TIAM2: variants seen among roughly 807,000 people sequenced by gnomAD.
TIAM2 encodes the protein rho guanine nucleotide exchange factor TIAM2.
A neutral mutation model predicts 152.9 loss-of-function variants in TIAM2; 80 were observed. The ratio of observed to expected loss-of-function variants is 0.52; its 90% CI spans 0.44 to 0.63. TIAM2 has a LOEUF of 0.63. Ranked by LOEUF, TIAM2 falls within the 30% of genes least tolerant of loss-of-function variation. The pLI is 0.00. For synonymous variants in TIAM2, 804 were observed against 838.0 expected (o/e 0.96, Z 0.70); for missense variants, 1,965 against 2,120.1 (o/e 0.93, Z 1.44).
At chr6:155,125,195 C>G (rs780560797) in intron 2 of TIAM2, among the ~76,000 whole-genome samples, 32 of 151,958 alleles carry the variant, frequency 2.1e-4, no homozygotes, top group Non-Finnish European at 4.1e-4. Flanking sequence ...CACTTGAACC[C>G]GGGAGGCACA....
rs1562325804 is a variant in TIAM2, at chr6:155,129,651, G to A, written c.428G>A (p.Arg143Lys). ...GGACACCTTCTCAACTGCTACGGGA[G>A]GAATGAGAGCATTGCCTCCACCCCA... ...CNGHLLNCYG[R>K]NESIASTPPG... The change falls in exon 4 of 27, where the codon AGG (arginine) becomes AAG (lysine). Residue 143 changes from arginine to lysine, a missense_variant. Around this residue, in one of 3 missense-constraint regions of TIAM2, gnomAD observed 1,025 missense variants for 1,119.4 expected, o/e 0.92. Coordinates refer to ENST00000682666, the MANE Select transcript of TIAM2 (RefSeq NM_012454.4). The surrounding 1 kb of genome is among the most constrained non-coding windows in gnomAD (Gnocchi z 4.8). 6.2e-7 allele frequency: 1 copy of A among 1,614,130 alleles called. No homozygotes were observed.
intron 9 of TIAM2, 40 bp from the exon 10 acceptor site, chr6:155,176,776 A>G: frequency 1.9e-6 from 3 of 1,599,822 alleles, no homozygotes; most frequent in Middle Eastern, 1.7e-4. Context: ...TCATTTGTTA[A>G]TCAAATTTGT....
intron 16 of TIAM2, among the ~76,000 whole-genome samples, chr6:155,242,766 C>T (rs896837448): frequency 2.0e-5 from 3 of 152,160 alleles, no homozygotes; most frequent in Non-Finnish European, 2.9e-5. Flanking sequence ...GATGGAGTCT[C>T]GCTCTGTCAC....
At chr6:155,153,489 G>A (rs1435309123) in intron 7 of TIAM2, among the ~76,000 whole-genome samples, 2 of 152,002 alleles carry the variant, frequency 1.3e-5, no homozygotes, top group Non-Finnish European at 1.5e-5. Flanking sequence ...TCTCCTCACC[G>A]TATTGCACTC....
At chr6:155,146,747 G>A (rs1431095338) in intron 6 of TIAM2, among the ~76,000 whole-genome samples, 1 of 147,352 alleles carries the variant, frequency 6.8e-6, no homozygotes, top group Non-Finnish European at 1.5e-5. Flanking sequence ...GATTACAGGT[G>A]CCCGCCGCTA....
At chr6:155,053,484 T>TTA (rs1777367056) in intron 1 of TIAM2, among the ~76,000 whole-genome samples, 1 of 148,354 alleles carries the variant, frequency 6.7e-6, no homozygotes, top group African/African-American at 2.5e-5. Flanking sequence ...TTTTTTTTTT[T>TTA]AAATTTAGAC....
Position 155,248,183 on chromosome 6 carries a change from A to AGGC in TIAM2, c.3832+14_3832+16dup, listed in dbSNP as rs757045328. ...GAGGAGCACTACCACCTGACGGGTG[A>AGGC]GGCGGCGGCGGCACCTCCGGGCGAG... On this transcript the variant is annotated splice_donor_region_variant and intron_variant, in intron 20 of 26. Transcript: ENST00000682666. The AGGC allele has an allele frequency of 1.2e-4, 192 of 1,611,808 alleles. No individual in the cohort carries two copies. Among genetic ancestry groups the AGGC allele is most frequent in the Admixed American group, 2.3e-4 (14 of 59,938 alleles).
intron 1 of TIAM2, among the ~76,000 whole-genome samples, chr6:155,089,317 C>G (rs953325035): frequency 3.3e-5 from 5 of 152,138 alleles, no homozygotes; most frequent in Admixed American, 2.6e-4. Flanking sequence ...TCCAATTCTC[C>G]TGCCTCAGCC....
At chr6:155,005,963 T>C (rs1425541174) in intron 1 of TIAM2, among the ~76,000 whole-genome samples, 1 of 152,160 alleles carries the variant, frequency 6.6e-6, no homozygotes, top group Non-Finnish European at 1.5e-5. Context: ...TTCTTTACTT[T>C]CAAGGAATTT....
intron 1 of TIAM2, among the ~76,000 whole-genome samples, chr6:155,085,699 A>G (rs1778158402): frequency 6.6e-6 from 1 of 152,204 alleles, no homozygotes; most frequent in Admixed American, 6.5e-5. Flanking sequence ...AAAGAATGTA[A>G]GGTGTGTTCA....
intron 9 of TIAM2, among the ~76,000 whole-genome samples, chr6:155,168,086 G>T (rs557420891): frequency 1.3e-5 from 2 of 152,230 alleles, no homozygotes; most frequent in South Asian, 4.1e-4. Context: ...ATAACTGAAT[G>T]AAGTTGATTT....
intron 21 of TIAM2, 157 bp from the exon 22 acceptor site, chr6:155,250,756 A>G (rs534396557): frequency 8.8e-7 from 1 of 1,132,254 alleles, no homozygotes; most frequent in African/African-American, 1.6e-5. Context: ...TATTTTCAAA[A>G]GCTCCACCGT....
At chr6:155,245,368 ACTTT>A (rs553428219) in intron 18 of TIAM2, among the ~76,000 whole-genome samples, 21 of 152,072 alleles carry the variant, frequency 1.4e-4, no homozygotes, top group Admixed American at 5.9e-4. Context: ...TTTTTGTAGA[ACTTT>A]CTTTGTTTCT....
intron 1 of TIAM2, among the ~76,000 whole-genome samples, chr6:155,072,784 C>T (rs1777867933): frequency 6.6e-6 from 1 of 151,960 alleles, no homozygotes; most frequent in Admixed American, 6.6e-5. Flanking sequence ...TGCTGGCCAG[C>T]CCAGGAGGTG....
In TIAM2 at chr6:155,129,583, C is replaced by T; in HGVS notation, c.360C>T (p.Gly120=). 13 of 1,614,140 alleles carry T rather than the reference C, an allele frequency of 8.1e-6. No homozygotes were observed. The highest frequency in any genetic ancestry group is 3.3e-4 in the Middle Eastern group (2 of 6,062). ...CTGAGAATGGCTTCCACTCTGTTGG[C>T]CACGAGCTGGCAGATAACCACATCA... ...FSTENGFHSV[G]HELADNHITS... The change falls in exon 4 of 27, where the codon GGC becomes GGT. Residue 120 remains glycine (G), a synonymous_variant. Coordinates refer to ENST00000682666, the MANE Select transcript of TIAM2 (RefSeq NM_012454.4). This position sits in a 1 kb window ranked among gnomAD's most constrained non-coding sequence, Gnocchi z 4.8.
intron 1 of TIAM2, among the ~76,000 whole-genome samples, chr6:155,060,351 G>A (rs1256501676): frequency 1.3e-5 from 2 of 152,134 alleles, no homozygotes; most frequent in African/African-American, 2.4e-5. Context: ...GCGGTGAGCC[G>A]AGATCACGCC....
At chr6:155,084,808 C>G (rs895371607) in intron 1 of TIAM2, among the ~76,000 whole-genome samples, 4 of 152,120 alleles carry the variant, frequency 2.6e-5, no homozygotes, top group Non-Finnish European at 5.9e-5. Context: ...TACAGTTTTC[C>G]TTTGTTGAGT....
chr6:155,164,737 C>T (rs1583223956), intron 8 of TIAM2, 137 bp downstream of exon 8: 2 of 1,067,810 alleles, frequency 1.9e-6, no homozygotes. Flanking sequence ...CACCCAGAGG[C>T]CAGGGGCCTG....
Position 155,214,269 on chromosome 6 carries a change from T to C in TIAM2, c.3168+2962T>C, listed in dbSNP as rs949044910. Among the ~76,000 whole-genome samples, 3 of 152,218 alleles carry C rather than the reference T, an allele frequency of 2.0e-5. No homozygotes were observed. Among genetic ancestry groups the C allele is most frequent in the African/African-American group, 7.2e-5 (3 of 41,476 alleles). On this transcript the variant is annotated intron_variant, in intron 15 of 26. Transcript: ENST00000682666. This position sits in a 1 kb window ranked among gnomAD's most constrained non-coding sequence, Gnocchi z 5.4. ...GCATCATCGCAGTGACTGTTCCAGA[T>C]GGGCCACCGCTGCCATCAAGACCAC...
Sources: gnomAD v4.1 joint callset for allele counts (sites outside exome capture counted in the v4.1 genomes callset) on GRCh38, gnomAD v4.1.1 for gene constraint, gnomAD v4.1.1 regional missense constraint, Gnocchi (gnomAD v3.1) non-coding constraint, MANE v1.5 for transcripts, NCBI Gene and HGNC (gene_info 2026-07-23, HGNC 2026-07-21) for gene names.